PRPF40B: variants seen among roughly 807,000 people sequenced by gnomAD.
PRPF40B encodes the protein pre-mRNA processing factor 40B.
Under a neutral mutation model 124.5 loss-of-function variants are expected in PRPF40B, and 56 were observed. The ratio of observed to expected loss-of-function variants is 0.45; its 90% CI spans 0.36 to 0.56. The LOEUF (loss-of-function observed/expected upper bound fraction) is 0.56. Ranked by LOEUF, PRPF40B falls within the 20% of genes least tolerant of loss-of-function variation. The pLI is 0.00. For synonymous variants in PRPF40B, 443 were observed against 426.4 expected (o/e 1.04, Z -0.48); for missense variants, 1,053 against 1,169.5 (o/e 0.90, Z 1.45).
At position 49,633,911 on chromosome 12, in the gene PRPF40B, A is replaced by C. The variant is rs1555209507; in HGVS notation, c.631A>C (p.Thr211Pro). The C allele has an allele frequency of 1.2e-6, 2 of 1,614,098 alleles. No individual in the cohort carries two copies. Reference protein sequence around the residue: ...AGKQQQQLPQTLQPQPPQPQP... With the variant: ...AGKQQQQLPQPLQPQPPQPQP... ...GAAACAGCAGCAGCAGCTGCCACAG[A>C]CACTTCAGCCACAGCCACCTCAGCC... The change falls in exon 10 of 26, where the codon ACA becomes CCA. Residue 211 changes from threonine to proline, a missense_variant. Thr to Pro is a conservative substitution (Grantham distance 38). This residue lies in a region of PRPF40B where 895 missense variants were observed against 1,052.2 expected (regional missense o/e 0.85). Transcript: ENST00000548825.
intron 17 of PRPF40B, 24 bp from the exon 18 acceptor site, chr12:49,637,709 G>A (rs1048430377): frequency 2.6e-6 from 4 of 1,524,186 alleles, no homozygotes; most frequent in Non-Finnish European, 3.6e-6. Flanking sequence ...CGCCCGCCAG[G>A]CCCCCCTCCC....
chr12:49,637,510 CTA>C lies in PRPF40B; in HGVS notation c.1603_1604del (p.Met535ValfsTer13). 6.2e-7 allele frequency: 1 copy of C among 1,613,854 alleles called. No individual in the cohort carries two copies. The highest frequency in any genetic ancestry group is 8.5e-7 in the Non-Finnish European group (1 of 1,180,020). On this transcript the variant is annotated frameshift_variant, in exon 17 of 26. Transcript: ENST00000548825. LOFTEE classifies it high-confidence loss of function. ...CTGCATGAGACAGGGCAGCTGCACT[CTA>C]TGTCCACCTGGATGGAGCTATATCC... is the stretch of plus-strand genomic sequence containing the variant.
intron 1 of PRPF40B, among the ~76,000 whole-genome samples, chr12:49,630,025 G>T (rs1279436104): frequency 6.6e-6 from 1 of 152,236 alleles, no homozygotes; most frequent in Non-Finnish European, 1.5e-5. Context: ...ATGAAGAGAT[G>T]AGAATTAGGG....
chr12:49,635,975 C>G lies in PRPF40B; in HGVS notation c.1408C>G (p.Gln470Glu). The stretch of plus-strand genomic sequence containing the variant: ...CCTCATGGATAACCCCAGCTTTGCT[C>G]AGGACCATCAGCTGCAGAGTAAGCC... ...QYLMDNPSFA[Q>E]DHQLQNMDKE... The change falls in exon 15 of 26, where the codon CAG (glutamine) becomes GAG (glutamate). Residue 470 changes from glutamine to glutamate, a missense_variant. Gln to Glu is a conservative substitution (Grantham distance 29). Around this residue, in one of 2 missense-constraint regions of PRPF40B, gnomAD observed 895 missense variants for 1,052.2 expected, o/e 0.85. Transcript: ENST00000548825. The surrounding 1 kb of genome is among the most constrained non-coding windows in gnomAD (Gnocchi z 4.1). 6.2e-7 allele frequency: 1 copy of G among 1,614,122 alleles called. No homozygotes were observed. The highest frequency in any genetic ancestry group is 1.1e-5 in the South Asian group (1 of 91,070).
intron 18 of PRPF40B, chr12:49,641,599 C>T (rs1271992158): frequency 2.9e-6 from 1 of 350,194 alleles, no homozygotes; most frequent in Non-Finnish European, 5.3e-6. Flanking sequence ...GCAGGAGGGC[C>T]CAGCTGGGGC....
In PRPF40B at chr12:49,642,652, CG is replaced by C; in HGVS notation, c.2098del (p.Glu700SerfsTer173). On this transcript the variant is annotated frameshift_variant, in exon 21 of 26. Transcript: ENST00000548825. LOFTEE classifies it high-confidence loss of function. This position sits in a 1 kb window ranked among gnomAD's most constrained non-coding sequence, Gnocchi z 5.8. ...GGAGTCGGAGCGGATCCGGCTCTTC[CG>C]GGAGTTCCTACAGGTGCTGGAGGTG... ...TLESERIRLFREFLQVLETEC... is the reference protein window; with the variant it reads ...TLESERIRLFXEFLQVLETEC... 6.2e-7 allele frequency: 1 copy of C among 1,614,116 alleles called. No homozygotes were observed. Among genetic ancestry groups the C allele is most frequent in the Non-Finnish European group, 8.5e-7 (1 of 1,179,982 alleles).
At chr12:49,643,500 G>A in intron 23 of PRPF40B, 103 bp downstream of exon 23, 1 of 1,450,278 alleles carries the variant, frequency 6.9e-7, no homozygotes, top group Non-Finnish European at 9.3e-7. Flanking sequence ...TGGATTGGGA[G>A]GGCTGCACCT....
Position 49,642,167 on chromosome 12 carries a change from G to A in PRPF40B, c.1885-68G>A, listed in dbSNP as rs923260652. 6.2e-7 allele frequency: 1 copy of A among 1,612,848 alleles called. No individual in the cohort carries two copies. Among genetic ancestry groups the A allele is most frequent in the South Asian group, 1.1e-5 (1 of 90,990 alleles). On this transcript the variant is annotated intron_variant, in intron 19 of 25. Transcript: ENST00000548825. This position sits in a 1 kb window ranked among gnomAD's most constrained non-coding sequence, Gnocchi z 5.8. The stretch of plus-strand genomic sequence containing the variant: ...AGACCCTAACTTTCCACCTCCTAAG[G>A]TATGCCTGAGTGGGACCTGGCATCC...
intron 15 of PRPF40B, among the ~76,000 whole-genome samples, 186 bp downstream of exon 15, chr12:49,636,179 C>G (rs956383940): frequency 1.4e-4 from 21 of 152,156 alleles, no homozygotes; most frequent in Admixed American, 2.6e-4. Flanking sequence ...CAGGACACCC[C>G]TCCCTCTGGG....
chr12:49,642,299 G>A lies in PRPF40B; in HGVS notation c.1949G>A (p.Arg650His), dbSNP rs1023854423. 17 of 1,614,058 alleles carry A rather than the reference G, an allele frequency of 1.1e-5. 1 individual carries two copies. The highest frequency in any genetic ancestry group is 3.3e-5 in the South Asian group (3 of 91,094). The change falls in exon 20 of 26, where the codon CGC (arginine) becomes CAC (histidine). Residue 650 changes from arginine (R) to histidine (H), a missense_variant. Arg to His is a conservative substitution (Grantham distance 29). Coordinates refer to ENST00000548825, the MANE Select transcript of PRPF40B (RefSeq NM_001031698.3). The surrounding 1 kb of genome is among the most constrained non-coding windows in gnomAD (Gnocchi z 5.8). ...AAGGAGGAGGCACGCAGGATGCGGC[G>A]CAGGGAAGCTGCCTTTCGAAGCATG... The part of the protein sequence containing the change: ...REKEEARRMR[R>H]REAAFRSMLR...
chr12:49,642,502 C>T lies in PRPF40B; in HGVS notation c.2023-78C>T. ...GTTCCCTTCCTTTCTCTGCCCCAGCCCTGCCCTGTGCTCATGGCGGTGTCC... is the reference window on the plus strand; with the variant it reads ...GTTCCCTTCCTTTCTCTGCCCCAGCTCTGCCCTGTGCTCATGGCGGTGTCC... On this transcript the variant is annotated intron_variant, in intron 20 of 25. Transcript: ENST00000548825. This position sits in a 1 kb window ranked among gnomAD's most constrained non-coding sequence, Gnocchi z 5.8. The T allele has an allele frequency of 6.3e-7, 1 of 1,584,386 alleles. No individual in the cohort carries two copies. The highest frequency in any genetic ancestry group is 8.7e-7 in the Non-Finnish European group (1 of 1,154,722).
rs1941692586 is a variant in PRPF40B at position 49,635,537 on chromosome 12, G to A, written c.1275+64G>A. On this transcript the variant is annotated intron_variant, in intron 14 of 25. Transcript: ENST00000548825. The surrounding 1 kb of genome is among the most constrained non-coding windows in gnomAD (Gnocchi z 4.1). ...CCTGGACTTTCCTTGTCTTTGCTTT[G>A]TTATGGACCCTCGCCATTTACTTCT... is the stretch of plus-strand genomic sequence containing the variant. 6.9e-7 allele frequency: 1 copy of A among 1,459,192 alleles called. No homozygotes were observed. 90.4% of individuals were successfully genotyped at this position (1,459,192 alleles called of 1,614,324 possible). A position where few individuals can be genotyped will look rare whatever the true frequency, so the allele number is the denominator to read the frequency against.
Position 49,635,864 on chromosome 12 carries a change from C to A in PRPF40B, c.1297C>A (p.Arg433Ser). The A allele has an allele frequency of 1.9e-6, 3 of 1,613,924 alleles. No homozygotes were observed. The highest frequency in any genetic ancestry group is 2.5e-6 in the Non-Finnish European group (3 of 1,179,970). Residue 433 changes from arginine to serine, a missense_variant, in exon 15 of 26, where the codon CGC becomes AGC. Coordinates refer to ENST00000548825, the MANE Select transcript of PRPF40B (RefSeq NM_001031698.3). This position sits in a 1 kb window ranked among gnomAD's most constrained non-coding sequence, Gnocchi z 4.1. ...KEKEQAKQLR[R>S]RNIQALKSIL... ...CTAGGAACAGGCCAAGCAGCTCCGG[C>A]GCCGCAATATCCAGGCCCTAAAGAG...
chr12:49,637,908 T>C, intron 18 of PRPF40B, 84 bp downstream of exon 18: 1 of 1,133,472 alleles, frequency 8.8e-7, no homozygotes, highest in Non-Finnish European at 1.3e-6. Context: ...AGTCCTGTTT[T>C]GCAGAAGCAT....
rs1425645190 is a variant in PRPF40B, at chr12:49,643,738, A to G, written c.2428A>G (p.Arg810Gly). 6.2e-7 allele frequency: 1 copy of G among 1,614,158 alleles called. No homozygotes were observed. Among genetic ancestry groups the G allele is most frequent in the South Asian group, 1.1e-5 (1 of 91,068 alleles). ...AKKPKKKTKK[R>G]RHKSNSPESE... ...GAAACCAAAAAAGAAAACTAAGAAG[A>G]GAAGACACAAGTCGGTGAGTGAAGG... Residue 810 changes from arginine to glycine, a missense_variant, in exon 24 of 26, where the codon AGA becomes GGA. By Grantham distance (125) the Arg-to-Gly change is moderately radical. This residue lies in a region of PRPF40B where 895 missense variants were observed against 1,052.2 expected (regional missense o/e 0.85). Transcript: ENST00000548825.
At position 49,631,337 on chromosome 12, in the gene PRPF40B, C is replaced by T. The variant is rs1401239622; in HGVS notation, c.85-64C>T. ...AGGTGGTGGATATTTCCTGACAGGT[C>T]CTCTCTACCTCTGACAAGGCGATGT... is the stretch of plus-strand genomic sequence containing the variant. On this transcript the variant is annotated intron_variant, in intron 2 of 25. Transcript: ENST00000548825. This position sits in a 1 kb window ranked among gnomAD's most constrained non-coding sequence, Gnocchi z 4.3. The T allele has an allele frequency of 5.0e-6, 6 of 1,199,104 alleles. No individual in the cohort carries two copies. The Admixed American group carries it at 1.6e-4, about 33-fold the overall frequency. The allele number at this position is 1,199,104 out of a possible 1,614,324, so 74.3% of individuals were successfully genotyped here.
At chr12:49,638,715 G>C (rs1348138972) in intron 18 of PRPF40B, 1 of 152,218 alleles carries the variant, frequency 6.6e-6, no homozygotes, top group African/African-American at 2.4e-5. Context: ...ACTGCCTACA[G>C]TAAAAGTCTA....
intron 4 of PRPF40B, chr12:49,632,374 A>G (rs1266838091): frequency 8.5e-6 from 5 of 589,334 alleles, no homozygotes; most frequent in Non-Finnish European, 1.2e-5. Context: ...TCAACAAAAT[A>G]CTCTCACTTG....
chr12:49,631,899 A>G lies in PRPF40B; in HGVS notation c.268A>G (p.Met90Val). ...MVPPMMPGML[M>V]PAVPVTAATA... ...ACCTCCGATGATGCCAGGAATGCTG[A>G]TGCCAGCGGTGCCTGTCACCGCAGC... is the stretch of plus-strand genomic sequence containing the variant. The change falls in exon 4 of 26, where the codon ATG becomes GTG. Residue 90 changes from methionine to valine, a missense_variant. Physicochemically the swap from Met to Val is conservative, Grantham distance 21. Transcript: ENST00000548825. The surrounding 1 kb of genome is among the most constrained non-coding windows in gnomAD (Gnocchi z 4.3). 4 of 1,614,192 alleles carry G rather than the reference A, an allele frequency of 2.5e-6. No homozygotes were observed. Among genetic ancestry groups the G allele is most frequent in the Non-Finnish European group, 3.4e-6 (4 of 1,180,030 alleles).
Sources: allele counts gnomAD v4.1 joint callset (sites outside exome capture counted in the v4.1 genomes callset), GRCh38; gene constraint gnomAD v4.1.1; regional missense constraint gnomAD v4.1.1; non-coding constraint Gnocchi (gnomAD v3.1); transcripts MANE v1.5; gene names NCBI Gene and HGNC (gene_info 2026-07-23, HGNC 2026-07-21).